SREBF2: variants seen among roughly 807,000 people sequenced by gnomAD.
SREBF2 encodes sterol regulatory element binding transcription factor 2, also known as sterol regulatory element-binding protein 2.
Under a neutral mutation model 113.1 loss-of-function variants are expected in SREBF2, and 55 were observed. The observed-to-expected ratio is 0.49, with a 90% confidence interval of 0.39 to 0.61. The LOEUF (loss-of-function observed/expected upper bound fraction) is 0.61. SREBF2 is among the 20% of genes least tolerant of loss of function. The probability of loss-of-function intolerance (pLI) is 0.00; values close to 1 mark genes in which losing one functional copy is unlikely to be tolerated. For synonymous variants in SREBF2, 593 were observed against 605.7 expected (o/e 0.98, Z 0.31); for missense variants, 1,349 against 1,487.4 (o/e 0.91, Z 1.53).
At chr22:41,901,334 G>A (rs1259760600) in intron 16 of SREBF2, among the ~76,000 whole-genome samples, 1 of 152,190 alleles carries the variant, frequency 6.6e-6, no homozygotes, top group East Asian at 1.9e-4. Flanking sequence ...AGGACAGCGT[G>A]GCAGCCCCTA....
At chr22:41,900,184 G>T (rs2077453078) in intron 15 of SREBF2, 146 bp from the exon 16 acceptor site, 13 of 1,519,930 alleles carry the variant, frequency 8.6e-6, no homozygotes, top group African/African-American at 1.4e-5. Context: ...GGAGCTGGTG[G>T]CATGGTGCCA....
At chr22:41,835,919 C>T (rs1403864298) in intron 1 of SREBF2, among the ~76,000 whole-genome samples, 3 of 152,258 alleles carry the variant, frequency 2.0e-5, no homozygotes, top group Non-Finnish European at 4.4e-5. Context: ...GCCACTGTAC[C>T]CGACCCTGTC....
intron 10 of SREBF2, among the ~76,000 whole-genome samples, chr22:41,884,293 G>A (rs917327926): frequency 6.6e-6 from 1 of 152,084 alleles, no homozygotes; most frequent in Non-Finnish European, 1.5e-5. Flanking sequence ...GTGCCACCAC[G>A]TCCAGCTAAT....
intron 1 of SREBF2, among the ~76,000 whole-genome samples, chr22:41,864,658 T>G (rs2077059350): frequency 6.6e-6 from 1 of 151,856 alleles, no homozygotes; most frequent in Admixed American, 6.6e-5. Flanking sequence ...TTGTTTTGTG[T>G]TCAGAGAAGG....
intron 11 of SREBF2, chr22:41,885,932 C>T (rs931431730): frequency 1.3e-5 from 2 of 152,228 alleles, no homozygotes; most frequent in Non-Finnish European, 2.9e-5. Flanking sequence ...TATGTCTACA[C>T]TTGATCTTAG....
chr22:41,899,556 G>A lies in SREBF2; in HGVS notation c.2739-774G>A, dbSNP rs780828606. On this transcript the variant is annotated intron_variant, in intron 15 of 18. Transcript: ENST00000361204. ...CGCACAGGAAGGAGCTGAGAAGAGT[G>A]AGTATACACAGGCTTGAAGTCCTTT... 8.1e-6 allele frequency: 8 copies of A among 992,612 alleles called. No homozygotes were observed. The African/African-American group carries it at 1.2e-4, about 15-fold the overall frequency. 61.5% of individuals were successfully genotyped at this position (992,612 alleles called of 1,614,324 possible).
chr22:41,851,562 C>T (rs1028383741), intron 1 of SREBF2, among the ~76,000 whole-genome samples: 5 of 151,950 alleles, frequency 3.3e-5, no homozygotes, highest in African/African-American at 1.2e-4. Flanking sequence ...GGCGCGATCT[C>T]GCCTCACTGC....
rs1469296222 is a variant in SREBF2 at position 41,874,010 on chromosome 22, A to G, written c.1080A>G (p.Thr360=). The change falls in exon 5 of 19, where the codon ACA becomes ACG. Residue 360 remains threonine, a synonymous_variant. Transcript: ENST00000361204. The stretch of plus-strand genomic sequence containing the variant: ...AATTGAAAGACCTGGTCATGGGGAC[A>G]GACGCCAAGGTGGGTGCCAAGCAAA... ...IIELKDLVMG[T]DAKMHKSGVL... 1 of 1,614,090 alleles carries G rather than the reference A, an allele frequency of 6.2e-7. No individual in the cohort carries two copies. The highest frequency in any genetic ancestry group is 1.7e-5 in the Admixed American group (1 of 59,994).
chr22:41,843,527 A>G (rs1228036426), intron 1 of SREBF2, among the ~76,000 whole-genome samples: 1 of 152,254 alleles, frequency 6.6e-6, no homozygotes, highest in African/African-American at 2.4e-5. Flanking sequence ...AAACTGAGGC[A>G]TAGATCACGT....
rs975997461 is a variant in SREBF2, at chr22:41,893,286, G to A, written c.2377+1G>A. 1.2e-6 allele frequency: 2 copies of A among 1,614,014 alleles called. No individual in the cohort carries two copies. Among genetic ancestry groups the A allele is most frequent in the Admixed American group, 3.3e-5 (2 of 60,006 alleles). ...CTATACTGTGCCCAGAGGAACCCAG[G>A]TGAGAATACCTTGGAGCCATTCAGA... is the stretch of plus-strand genomic sequence containing the variant. On this transcript the variant is annotated splice_donor_variant, in intron 12 of 18. Coordinates refer to ENST00000361204, the MANE Select transcript of SREBF2 (RefSeq NM_004599.4). LOFTEE classifies it high-confidence loss of function.
In SREBF2 at chr22:41,866,794, G is replaced by A. The variant is rs528015766; in HGVS notation, c.89-37G>A. 2.2e-4 allele frequency: 350 copies of A among 1,610,488 alleles called. 1 individual carries two copies. In the South Asian group the frequency reaches 3.6e-3, roughly 17 times the overall value. On this transcript the variant is annotated intron_variant, in intron 1 of 18. Coordinates refer to ENST00000361204, the MANE Select transcript of SREBF2 (RefSeq NM_004599.4). ...AGCAAGTTTGAAAGTTCACTTTTTGGATAGCAATAAAATTACTCCTTTTCT... is the reference window on the plus strand; with the variant it reads ...AGCAAGTTTGAAAGTTCACTTTTTGAATAGCAATAAAATTACTCCTTTTCT...
At chr22:41,901,671 C>T (rs967910350) in intron 16 of SREBF2, among the ~76,000 whole-genome samples, 1 of 152,178 alleles carries the variant, frequency 6.6e-6, no homozygotes, top group Non-Finnish European at 1.5e-5. Context: ...TAAAAAAAAG[C>T]TGGTGGGGGT....
Position 41,906,600 on chromosome 22 carries a change from C to CTGT in SREBF2, c.*943_*945dup, listed in dbSNP as rs1304481799. On this transcript the variant is annotated 3_prime_UTR_variant, in exon 19 of 19. Coordinates refer to ENST00000361204, the MANE Select transcript of SREBF2 (RefSeq NM_004599.4). ...ACCATGTTTCAACTTTACAATTGGT[C>CTGT]TGTTGGGGTATTAAATGAATTTGTG... 6.6e-6 allele frequency: 1 copy of CTGT among 152,486 alleles called. No individual in the cohort carries two copies. Among genetic ancestry groups the CTGT allele is most frequent in the Non-Finnish European group, 1.5e-5 (1 of 68,256 alleles). The allele number at this position is 152,486 out of a possible 1,614,324, so 9.4% of individuals were successfully genotyped here.
intron 12 of SREBF2, 141 bp downstream of exon 12, chr22:41,893,426 G>T: frequency 2.9e-6 from 3 of 1,023,552 alleles, no homozygotes; most frequent in Non-Finnish European, 4.4e-6. Context: ...TTGTTTGTTT[G>T]TTTGAACCAA....
intron 1 of SREBF2, among the ~76,000 whole-genome samples, chr22:41,856,994 G>A (rs2076982861): frequency 6.6e-6 from 1 of 151,014 alleles, no homozygotes; most frequent in Admixed American, 6.6e-5. Context: ...TTGAACCTGG[G>A]AGACAGAAGT....
At chr22:41,899,160 C>G (rs1347899336) in intron 15 of SREBF2, 3 of 1,083,572 alleles carry the variant, frequency 2.8e-6, no homozygotes, top group Non-Finnish European at 3.5e-6. Flanking sequence ...GCAGAGAGGC[C>G]ACTGTTGCCC....
chr22:41,879,319 G>A (rs1053238630), intron 9 of SREBF2, among the ~76,000 whole-genome samples: 1 of 152,254 alleles, frequency 6.6e-6, no homozygotes, highest in Non-Finnish European at 1.5e-5. Context: ...CCAAGATGGA[G>A]TGGACTCCAT....
chr22:41,857,197 G>A (rs1438856383), intron 1 of SREBF2, among the ~76,000 whole-genome samples: 1 of 152,168 alleles, frequency 6.6e-6, no homozygotes, highest in Non-Finnish European at 1.5e-5. Flanking sequence ...GGAGTGAAGA[G>A]GTAAATCCAT....
chr22:41,880,696 C>G lies in SREBF2; in HGVS notation c.1762-20C>G. ...CCGGAGCAAGGCCAGTGACCATTAACACCTTTTGATACTTTGTAGGGAGAT... is the reference window on the plus strand; with the variant it reads ...CCGGAGCAAGGCCAGTGACCATTAAGACCTTTTGATACTTTGTAGGGAGAT... On this transcript the variant is annotated intron_variant, in intron 9 of 18. Transcript: ENST00000361204. 6.2e-7 allele frequency: 1 copy of G among 1,614,156 alleles called. No individual in the cohort carries two copies. Among genetic ancestry groups the G allele is most frequent in the Non-Finnish European group, 8.5e-7 (1 of 1,180,028 alleles).
Sources: gnomAD v4.1 joint callset for allele counts (sites outside exome capture counted in the v4.1 genomes callset) on GRCh38, gnomAD v4.1.1 for gene constraint, MANE v1.5 for transcripts, NCBI Gene and HGNC (gene_info 2026-07-23, HGNC 2026-07-21) for gene names.